AK8: variants seen among roughly 807,000 people sequenced by gnomAD.
The protein encoded by AK8 is ATP-AMP transphosphorylase 8.
In AK8, 44 loss-of-function variants were observed where a neutral mutation model predicts 54.6. The observed-to-expected ratio is 0.81, with a 90% CI of 0.63 to 1.04. The LOEUF (loss-of-function observed/expected upper bound fraction) is 1.04. AK8 is among the 50% of genes least tolerant of loss of function. The pLI is 0.00. For synonymous variants in AK8, 239 were observed against 245.6 expected (o/e 0.97, Z 0.25); for missense variants, 555 against 613.6 (o/e 0.90, Z 1.01).
At chr9:132,769,993 T>C (rs994636699) in intron 11 of AK8, 2 of 152,222 alleles carry the variant, frequency 1.3e-5, no homozygotes, top group Admixed American at 1.3e-4. Flanking sequence ...AGGCTAATTA[T>C]TGTTGAGCGG....
chr9:132,734,196 G>A (rs1209626723), intron 11 of AK8, among the ~76,000 whole-genome samples: 1 of 152,178 alleles, frequency 6.6e-6, no homozygotes, highest in East Asian at 1.9e-4. Context: ...CAGATTGCAG[G>A]CACCCCTTCC....
intron 11 of AK8, among the ~76,000 whole-genome samples, chr9:132,756,159 A>G (rs1838179885): frequency 6.6e-6 from 1 of 152,010 alleles, no homozygotes; most frequent in African/African-American, 2.4e-5. Context: ...TTTTGTCCAG[A>G]CTCTTCCTGG....
At chr9:132,875,374 G>C (rs889970981) in intron 1 of AK8, 175 bp from the exon 2 acceptor site, 14 of 950,302 alleles carry the variant, frequency 1.5e-5, no homozygotes, top group Non-Finnish European at 1.7e-5. Context: ...GCAGAGGCAT[G>C]AGGGGGGCCA....
rs141384047 is a variant in AK8 at position 132,799,547 on chromosome 9, A to G, written c.980-6772T>C. Among the ~76,000 whole-genome samples, 1,018 of 151,824 alleles carry G rather than the reference A, an allele frequency of 6.7e-3. 5 individuals carry two copies. Among genetic ancestry groups the G allele is most frequent in the African/African-American group, 0.019 (787 of 41,350 alleles). Reference sequence around the variant, plus strand: ...CACACGACACCTGACACACTACAACACACACAGGCACGCACACACACAGAC... The same window carrying G: ...CACACGACACCTGACACACTACAACGCACACAGGCACGCACACACACAGAC... On this transcript the variant is annotated intron_variant, in intron 10 of 12. Transcript: ENST00000298545. The surrounding 1 kb of genome is among the most constrained non-coding windows in gnomAD (Gnocchi z 5.0).
intron 3 of AK8, among the ~76,000 whole-genome samples, chr9:132,864,229 C>T (rs529731620): frequency 6.6e-6 from 1 of 152,268 alleles, no homozygotes; most frequent in South Asian, 2.1e-4. Context: ...TTGATAATTA[C>T]TCTATAGTCT....
At chr9:132,811,012 G>A (rs1304256429) in intron 10 of AK8, among the ~76,000 whole-genome samples, 2 of 152,192 alleles carry the variant, frequency 1.3e-5, no homozygotes, top group Non-Finnish European at 2.9e-5. Context: ...GCTATAGAGA[G>A]GTGGTTCACA....
chr9:132,744,487 C>T (rs1055174395), intron 11 of AK8, among the ~76,000 whole-genome samples: 1 of 151,414 alleles, frequency 6.6e-6, no homozygotes, highest in African/African-American at 2.4e-5. Context: ...TCGGTCAGAT[C>T]ACGCAGGTGT....
intron 5 of AK8, among the ~76,000 whole-genome samples, chr9:132,847,635 C>A (rs1842799793): frequency 1.3e-5 from 2 of 152,046 alleles, no homozygotes; most frequent in South Asian, 4.1e-4. Flanking sequence ...TATATTTGAC[C>A]AAATTTGATG....
chr9:132,776,255 T>G (rs1839211540), intron 11 of AK8, among the ~76,000 whole-genome samples: 1 of 152,192 alleles, frequency 6.6e-6, no homozygotes, highest in African/African-American at 2.4e-5. Flanking sequence ...GCCACAACCT[T>G]GGGCTCGAGC....
intron 2 of AK8, among the ~76,000 whole-genome samples, chr9:132,870,669 C>G (rs1373251623): frequency 1.3e-5 from 2 of 152,246 alleles, no homozygotes; most frequent in Non-Finnish European, 2.9e-5. Context: ...TGTGCTCGCT[C>G]ACCGGGATGA....
rs1837465469 is a variant in AK8 at position 132,742,973 on chromosome 9, C to G, written c.1122-15439G>C. ...AGGTGAATTCTCCAGTGTCGGTGCCCTTGGTCACAGCACTCCATTGTGATT... is the reference window on the plus strand; with the variant it reads ...AGGTGAATTCTCCAGTGTCGGTGCCGTTGGTCACAGCACTCCATTGTGATT... On this transcript the variant is annotated intron_variant, in intron 11 of 12. Coordinates refer to ENST00000298545, the MANE Select transcript of AK8 (RefSeq NM_152572.3). Among the ~76,000 whole-genome samples the G allele has an allele frequency of 2.0e-5, 3 of 152,236 alleles. No homozygotes were observed. The South Asian group carries it at 6.2e-4, about 32-fold the overall frequency.
chr9:132,798,730 G>A (rs545334543), intron 10 of AK8, among the ~76,000 whole-genome samples: 7 of 151,950 alleles, frequency 4.6e-5, no homozygotes, highest in Admixed American at 1.3e-4. Context: ...ATAAAAGATG[G>A]CAGTCCTCAA....
intron 11 of AK8, among the ~76,000 whole-genome samples, chr9:132,735,181 C>T (rs1837042365): frequency 1.3e-5 from 2 of 149,466 alleles, no homozygotes; most frequent in Non-Finnish European, 3.0e-5. Flanking sequence ...TGTCAGGTAT[C>T]CAATGACAAC....
chr9:132,815,414 T>A (rs1037742071), intron 9 of AK8, among the ~76,000 whole-genome samples: 4 of 151,812 alleles, frequency 2.6e-5, no homozygotes, highest in African/African-American at 9.7e-5. Flanking sequence ...ATTAGCCAGG[T>A]GGGTGGCATA....
At position 132,878,055 on chromosome 9, in the gene AK8, G is replaced by A. The variant is rs1564453636; in HGVS notation, c.84+117C>T. 6.5e-7 allele frequency: 1 copy of A among 1,535,640 alleles called. No homozygotes were observed. Among genetic ancestry groups the A allele is most frequent in the Non-Finnish European group, 8.8e-7 (1 of 1,135,956 alleles). On this transcript the variant is annotated intron_variant, in intron 1 of 12. Transcript: ENST00000298545. The surrounding 1 kb of genome is among the most constrained non-coding windows in gnomAD (Gnocchi z 4.7). Reference sequence around the variant, plus strand: ...ACACGAATCGTACATCCCGAGTTGGGCTGCTTCGTGGGCGCGCGACTCGGC... The same window carrying A: ...ACACGAATCGTACATCCCGAGTTGGACTGCTTCGTGGGCGCGCGACTCGGC...
chr9:132,819,599 T>TA (rs1157944576), intron 9 of AK8, among the ~76,000 whole-genome samples: 1 of 152,148 alleles, frequency 6.6e-6, no homozygotes, highest in South Asian at 2.1e-4. Context: ...ATAACTGACA[T>TA]AATAAGTAGA....
At chr9:132,798,411 T>G (rs1300516357) in intron 10 of AK8, among the ~76,000 whole-genome samples, 1 of 152,220 alleles carries the variant, frequency 6.6e-6, no homozygotes. Context: ...CTTGGTTCAC[T>G]GTGCTCTGCC....
intron 11 of AK8, among the ~76,000 whole-genome samples, chr9:132,730,283 G>A (rs946722049): frequency 1.4e-4 from 22 of 152,272 alleles, no homozygotes; most frequent in African/African-American, 5.3e-4. Context: ...GGTTCCCATG[G>A]GGCCCAGACC....
chr9:132,827,233 C>G (rs1461650625), intron 7 of AK8, 179 bp from the exon 8 acceptor site: 2 of 645,100 alleles, frequency 3.1e-6, no homozygotes, highest in Non-Finnish European at 5.5e-6. Flanking sequence ...TGAGCCTGCT[C>G]TTAACTATTA....
Sources: gnomAD v4.1 joint callset for allele counts (sites outside exome capture counted in the v4.1 genomes callset) on GRCh38, gnomAD v4.1.1 for gene constraint, Gnocchi (gnomAD v3.1) non-coding constraint, MANE v1.5 for transcripts, NCBI Gene and HGNC (gene_info 2026-07-23, HGNC 2026-07-21) for gene names.